TBC1D10A: variants seen among roughly 807,000 people sequenced by gnomAD.
TBC1D10A encodes the protein EBP50-PDX interactor of 64 kDa.
In TBC1D10A, 24 loss-of-function variants were observed where a neutral mutation model predicts 52.9. That is an observed-to-expected ratio of 0.45 (90% CI 0.33 to 0.64). The LOEUF (loss-of-function observed/expected upper bound fraction) is 0.64, where lower values mean the gene tolerates loss of function less well. Among genes scored for constraint, TBC1D10A ranks in the 30% least tolerant of loss-of-function variants. The pLI, the probability that TBC1D10A is intolerant of heterozygous loss-of-function variation, is 0.02. For synonymous variants in TBC1D10A, 278 were observed against 282.9 expected (o/e 0.98, Z 0.17); for missense variants, 602 against 687.9 (o/e 0.88, Z 1.40).
chr22:30,311,437 G>T (rs1030919488), intron 1 of TBC1D10A, among the ~76,000 whole-genome samples: 2 of 152,190 alleles, frequency 1.3e-5, no homozygotes, highest in Non-Finnish European at 2.9e-5. Flanking sequence ...CAGTGTCCAG[G>T]CTCCCTGTCT....
intron 3 of TBC1D10A, 185 bp from the exon 4 acceptor site, chr22:30,296,028 G>C: frequency 3.3e-6 from 2 of 603,490 alleles, no homozygotes; most frequent in Non-Finnish European, 2.9e-6. Context: ...CTGGGCAGGG[G>C]CAAAGGGGCA....
At chr22:30,302,918 G>GAGGCAGGGAAACAGAGCCAGAGTC (rs1327719879) in intron 2 of TBC1D10A, among the ~76,000 whole-genome samples, 1 of 152,182 alleles carries the variant, frequency 6.6e-6, no homozygotes, top group Non-Finnish European at 1.5e-5. Context: ...GAGGAATGAT[G>GAGGCAGGGAAACAGAGCCAGAGTC]AGGCAGGGAA....
At chr22:30,321,918 G>T (rs1388481049) in intron 1 of TBC1D10A, among the ~76,000 whole-genome samples, 1 of 151,488 alleles carries the variant, frequency 6.6e-6, no homozygotes, top group African/African-American at 2.4e-5. Context: ...GACAGGAGGG[G>T]TATCATCACT....
At chr22:30,316,200 G>A (rs977248918) in intron 1 of TBC1D10A, among the ~76,000 whole-genome samples, 1 of 152,200 alleles carries the variant, frequency 6.6e-6, no homozygotes. Flanking sequence ...ACAAAGAGAA[G>A]TCCAGCCTGG....
intron 1 of TBC1D10A, among the ~76,000 whole-genome samples, chr22:30,306,046 C>T (rs561661844): frequency 3.3e-5 from 5 of 152,304 alleles, no homozygotes; most frequent in South Asian, 2.1e-4. Context: ...TATCTCCGGG[C>T]AACCCCCAAA....
At position 30,304,540 on chromosome 22, in the gene TBC1D10A, C is replaced by T. The variant is rs530792471; in HGVS notation, c.300G>A (p.Lys100=). 1 of 1,614,136 alleles carries T rather than the reference C, an allele frequency of 6.2e-7. No homozygotes were observed. Among genetic ancestry groups the T allele is most frequent in the Admixed American group, 1.7e-5 (1 of 60,010 alleles). Reference sequence around the variant, plus strand: ...AGGCCAGGCCCCTCACCTTTTTGTGCTTCTTGGCCATCCATTTGTCCCAGT... The same window carrying T: ...AGGCCAGGCCCCTCACCTTTTTGTGTTTCTTGGCCATCCATTTGTCCCAGT... The part of the protein sequence containing the change: ...LNNWDKWMAK[K]HKKIRLRCQK... Residue 100 remains lysine, a synonymous_variant, in exon 2 of 9, where the codon AAG becomes AAA. Transcript: ENST00000215790.
At chr22:30,304,863 C>T (rs1262395451) in intron 1 of TBC1D10A, among the ~76,000 whole-genome samples, 2 of 152,216 alleles carry the variant, frequency 1.3e-5, no homozygotes, top group Non-Finnish European at 2.9e-5. Context: ...CAAGTGCCTA[C>T]TTCCCTAATG....
intron 3 of TBC1D10A, chr22:30,298,088 C>T (rs1337625900): frequency 2.0e-5 from 3 of 152,278 alleles, no homozygotes; most frequent in East Asian, 1.9e-4. Flanking sequence ...CACATGCACA[C>T]AGCTCTGTGT....
At chr22:30,295,080 T>C in intron 4 of TBC1D10A, 25 bp from the exon 5 acceptor site, 6 of 1,609,502 alleles carry the variant, frequency 3.7e-6, no homozygotes, top group Non-Finnish European at 4.2e-6. Flanking sequence ...GGCAGAGCAG[T>C]GATGACCGGG....
chr22:30,300,460 A>G (rs11704284), intron 2 of TBC1D10A: 13,446 of 151,864 alleles, frequency 0.089, 681 homozygotes, highest in African/African-American at 0.11. Context: ...GGAAAAAAAA[A>G]AAAAAAAAGG....
At chr22:30,317,631 T>A (rs76023452) in intron 1 of TBC1D10A, among the ~76,000 whole-genome samples, 1 of 152,198 alleles carries the variant, frequency 6.6e-6, no homozygotes, top group African/African-American at 2.4e-5. Flanking sequence ...AAATTTTTTT[T>A]AGAAATGGGG....
Position 30,294,220 on chromosome 22 carries a change from G to A in TBC1D10A, c.706-110C>T, listed in dbSNP as rs192646212. 204 of 1,242,816 alleles carry A rather than the reference G, an allele frequency of 1.6e-4. No individual in the cohort carries two copies. The East Asian group carries it at 4.4e-3, about 27-fold the overall frequency. The allele number at this position is 1,242,816 out of a possible 1,614,324, so 77.0% of individuals were successfully genotyped here. ...CACCCAGCAGGCTCAGGCAGCTACC[G>A]CCTGCAGGGTGTCTGCCTCTGCCAG... is the stretch of plus-strand genomic sequence containing the variant. On this transcript the variant is annotated intron_variant, in intron 6 of 8. Transcript: ENST00000215790.
chr22:30,294,753 G>T (rs756545432), intron 6 of TBC1D10A, 43 bp downstream of exon 6: 6 of 1,612,816 alleles, frequency 3.7e-6, no homozygotes, highest in Non-Finnish European at 5.1e-6. Flanking sequence ...GGGCCACAGA[G>T]GGTGTCCAGC....
chr22:30,302,605 G>A (rs1930224182), intron 2 of TBC1D10A, among the ~76,000 whole-genome samples: 1 of 152,256 alleles, frequency 6.6e-6, no homozygotes, highest in South Asian at 2.1e-4. Context: ...GGCCACAGCT[G>A]AGATGGCACG....
chr22:30,294,711 G>T, intron 6 of TBC1D10A, 85 bp downstream of exon 6: 2 of 1,581,698 alleles, frequency 1.3e-6, no homozygotes, highest in Non-Finnish European at 8.7e-7. Flanking sequence ...TTTTAACCTG[G>T]GCAGGAGTTA....
intron 3 of TBC1D10A, chr22:30,299,187 TA>T: frequency 7.1e-6 from 3 of 421,718 alleles, no homozygotes; most frequent in Non-Finnish European, 1.3e-5. Flanking sequence ...AGAGCTGGAA[TA>T]GGGGGTACCA....
chr22:30,322,894 CTT>C (rs34264567), intron 1 of TBC1D10A, among the ~76,000 whole-genome samples: 97 of 131,388 alleles, frequency 7.4e-4, no homozygotes, highest in Non-Finnish European at 8.3e-4. Context: ...AGCACCTAGT[CTT>C]TTTTTTTTTT....
rs770904249 is a variant in TBC1D10A at position 30,292,654 on chromosome 22, G to C, written c.1248C>G (p.Ala416=). 9.3e-6 allele frequency: 15 copies of C among 1,610,628 alleles called. No homozygotes were observed. Among genetic ancestry groups the C allele is most frequent in the Non-Finnish European group, 1.3e-5 (15 of 1,178,330 alleles). The change falls in exon 9 of 9, where the codon GCC becomes GCG. Residue 416 remains alanine, a synonymous_variant. Transcript: ENST00000215790. ...PSPSIRLPLD[A]PLPGSKAKPK... Reference sequence around the variant, plus strand: ...GCTTGGCTTTGGAGCCAGGGAGGGGGGCATCTAGGGGCAGGCGGATGGATG... The same window carrying C: ...GCTTGGCTTTGGAGCCAGGGAGGGGCGCATCTAGGGGCAGGCGGATGGATG...
Position 30,294,124 on chromosome 22 carries a change from G to A in TBC1D10A, c.706-14C>T, listed in dbSNP as rs1348530506. ...CTGGATCGCCTCCTAGGGAGACATC[G>A]AGGCCACGGGACCATGACCGTGGGC... On this transcript the variant is annotated splice_polypyrimidine_tract_variant and intron_variant, in intron 6 of 8. Coordinates refer to ENST00000215790, the MANE Select transcript of TBC1D10A (RefSeq NM_031937.3). 7 of 1,611,072 alleles carry A rather than the reference G, an allele frequency of 4.3e-6. No homozygotes were observed. Among genetic ancestry groups the A allele is most frequent in the East Asian group, 2.2e-5 (1 of 44,810 alleles).
Sources: gnomAD v4.1 joint callset for allele counts (sites outside exome capture counted in the v4.1 genomes callset) on GRCh38, gnomAD v4.1.1 for gene constraint, MANE v1.5 for transcripts, NCBI Gene and HGNC (gene_info 2026-07-23, HGNC 2026-07-21) for gene names.